The following KLHL29 variants were observed in gnomAD, a reference collection of about 807,000 sequenced individuals.
The protein encoded by KLHL29 is kelch-like protein 29.
KLHL29 carries 21 observed loss-of-function variants against 80.4 expected under a neutral mutation model. The ratio of observed to expected loss-of-function variants is 0.26; its 90% CI spans 0.19 to 0.38. The LOEUF is 0.38. Ranked by LOEUF, KLHL29 falls within the 10% of genes least tolerant of loss-of-function variation. The probability of loss-of-function intolerance (pLI) is 1.00; values close to 1 mark genes in which losing one functional copy is unlikely to be tolerated. For synonymous variants in KLHL29, 511 were observed against 526.8 expected (o/e 0.97, Z 0.41); for missense variants, 867 against 1,223.9 (o/e 0.71, Z 4.35).
At chr2:23,653,954 G>A (rs1273612937) in intron 5 of KLHL29, among the ~76,000 whole-genome samples, 1 of 152,058 alleles carries the variant, frequency 6.6e-6, no homozygotes, top group Non-Finnish European at 1.5e-5. Flanking sequence ...ATCACCTGAG[G>A]TCAGGAGTTC....
chr2:23,656,911 C>T (rs2149167084), intron 5 of KLHL29, among the ~76,000 whole-genome samples: 1 of 151,136 alleles, frequency 6.6e-6, no homozygotes, highest in Non-Finnish European at 1.5e-5. Context: ...TGTTTCCTTC[C>T]CCTCCCCTCG....
At chr2:23,525,201 G>A (rs771385047) in intron 2 of KLHL29, among the ~76,000 whole-genome samples, 9 of 152,336 alleles carry the variant, frequency 5.9e-5, no homozygotes, top group Non-Finnish European at 1.2e-4. Context: ...GAGAAGACTT[G>A]AGGACTGAGA....
chr2:23,546,086 C>T (rs1666972346), intron 2 of KLHL29, among the ~76,000 whole-genome samples: 1 of 152,182 alleles, frequency 6.6e-6, no homozygotes, highest in Non-Finnish European at 1.5e-5. Context: ...GAGATCTGGC[C>T]TGCAGACAGC....
chr2:23,478,315 C>T (rs1297712692), intron 2 of KLHL29, among the ~76,000 whole-genome samples: 2 of 152,086 alleles, frequency 1.3e-5, no homozygotes, highest in Non-Finnish European at 2.9e-5. Flanking sequence ...ATGCAGGAGT[C>T]CCATTGATTT....
chr2:23,460,319 G>T (rs2103427659), intron 1 of KLHL29, among the ~76,000 whole-genome samples: 1 of 152,238 alleles, frequency 6.6e-6, no homozygotes, highest in South Asian at 2.1e-4. Flanking sequence ...TTTTTCTAGT[G>T]CAGTGGTTCT....
Position 23,674,293 on chromosome 2 carries a change from C to T in KLHL29, c.941-10106C>T, listed in dbSNP as rs546242137. ...AGGAAACAGCAGTTTAATGAATAAA[C>T]AAAGGGGCCAAACAGACACAAGCCA... On this transcript the variant is annotated intron_variant, in intron 5 of 13. Coordinates refer to ENST00000486442, the MANE Select transcript of KLHL29 (RefSeq NM_052920.2). Among the ~76,000 whole-genome samples, 43 of 151,938 alleles carry T rather than the reference C, an allele frequency of 2.8e-4. No individual in the cohort carries two copies. In the South Asian group the frequency reaches 6.0e-3, roughly 21 times the overall value.
rs1417757351 is a variant in KLHL29, at chr2:23,404,391, A to G, written c.-154+18611A>G. On this transcript the variant is annotated intron_variant, in intron 1 of 13. Transcript: ENST00000486442. ...TGCATTGCTAAGTTAGACACGCCGAAGTGAATTGAGGACTGTTTAATGGCC... is the reference window on the plus strand; with the variant it reads ...TGCATTGCTAAGTTAGACACGCCGAGGTGAATTGAGGACTGTTTAATGGCC... Among the ~76,000 whole-genome samples, 3 of 152,208 alleles carry G rather than the reference A, an allele frequency of 2.0e-5. No individual in the cohort carries two copies. The East Asian group carries it at 5.8e-4, about 29-fold the overall frequency.
intron 3 of KLHL29, among the ~76,000 whole-genome samples, chr2:23,619,320 G>A (rs180703829): frequency 6.6e-6 from 1 of 152,320 alleles, no homozygotes; most frequent in East Asian, 1.9e-4. Flanking sequence ...CAGTGTGAAG[G>A]GTCTGGTTCC....
intron 1 of KLHL29, among the ~76,000 whole-genome samples, chr2:23,407,407 A>G (rs1666761763): frequency 6.6e-6 from 1 of 151,202 alleles, no homozygotes; most frequent in South Asian, 2.1e-4. Flanking sequence ...GGGTTGGAGC[A>G]TTTGTTTCTG....
In KLHL29 at chr2:23,607,156, A is replaced by G. The variant is rs1331243748; in HGVS notation, c.286-31983A>G. 2.0e-5 allele frequency among the ~76,000 whole-genome samples: 3 copies of G among 152,212 alleles called. No individual in the cohort carries two copies. The East Asian group carries it at 5.8e-4, about 29-fold the overall frequency. ...GTTTTGACATGGATTTTGAGAAGAC[A>G]CAAATATTTAAACCACAGCAGGGCT... is the stretch of plus-strand genomic sequence containing the variant. On this transcript the variant is annotated intron_variant, in intron 3 of 13. Transcript: ENST00000486442.
intron 1 of KLHL29, among the ~76,000 whole-genome samples, chr2:23,445,265 C>A (rs1180945981): frequency 6.6e-6 from 1 of 152,106 alleles, no homozygotes; most frequent in Non-Finnish European, 1.5e-5. Context: ...TATAGATAAC[C>A]ATTTTGCTAG....
intron 5 of KLHL29, among the ~76,000 whole-genome samples, chr2:23,673,901 A>ATGCACACACACTCACAACCATGTG (rs1394494379): frequency 3.3e-5 from 5 of 152,278 alleles, no homozygotes; most frequent in African/African-American, 1.2e-4. Context: ...ATACACATGC[A>ATGCACACACACTCACAACCATGTG]TGCACACACA....
intron 2 of KLHL29, among the ~76,000 whole-genome samples, chr2:23,561,254 C>A (rs889326925): frequency 6.6e-6 from 1 of 152,158 alleles, no homozygotes; most frequent in African/African-American, 2.4e-5. Flanking sequence ...TAACACCAGG[C>A]CCTGGATGGG....
intron 1 of KLHL29, among the ~76,000 whole-genome samples, chr2:23,388,175 C>T (rs1208834976): frequency 1.3e-5 from 2 of 152,032 alleles, no homozygotes; most frequent in Non-Finnish European, 1.5e-5. Context: ...GAGTGGTGGT[C>T]ATACTTCAAG....
intron 2 of KLHL29, among the ~76,000 whole-genome samples, chr2:23,539,823 G>T (rs1666782227): frequency 1.3e-5 from 2 of 152,066 alleles, no homozygotes; most frequent in South Asian, 4.2e-4. Flanking sequence ...AGTCTCCATA[G>T]TTTAGCTTAG....
intron 1 of KLHL29, among the ~76,000 whole-genome samples, chr2:23,474,178 G>A (rs998729607): frequency 4.6e-5 from 7 of 152,164 alleles, no homozygotes; most frequent in African/African-American, 7.2e-5. Context: ...CCTGAGGGCA[G>A]GAGTACCTTT....
intron 3 of KLHL29, among the ~76,000 whole-genome samples, chr2:23,610,980 CT>C (rs1422367748): frequency 6.6e-6 from 1 of 152,064 alleles, no homozygotes; most frequent in East Asian, 1.9e-4. Flanking sequence ...TGGAGCTTAC[CT>C]TCAAGTGGAT....
intron 2 of KLHL29, among the ~76,000 whole-genome samples, chr2:23,557,793 T>G (rs1434563359): frequency 6.6e-6 from 1 of 152,132 alleles, no homozygotes; most frequent in African/African-American, 2.4e-5. Flanking sequence ...GATGGCTTCT[T>G]TGGCGATATG....
At chr2:23,488,037 G>A (rs993070648) in intron 2 of KLHL29, among the ~76,000 whole-genome samples, 1 of 152,164 alleles carries the variant, frequency 6.6e-6, no homozygotes, top group African/African-American at 2.4e-5. Flanking sequence ...GCAGATGCGT[G>A]GCAAGACAAT....
Sources: gnomAD v4.1 joint callset for allele counts (sites outside exome capture counted in the v4.1 genomes callset) on GRCh38, gnomAD v4.1.1 for gene constraint, MANE v1.5 for transcripts, NCBI Gene and HGNC (gene_info 2026-07-23, HGNC 2026-07-21) for gene names.